Variants in ABCC2 observed in about 807,000 individuals in gnomAD.
ABCC2 encodes ATP binding cassette subfamily C member 2.
ABCC2 carries 157 observed loss-of-function variants against 173.4 expected under a neutral mutation model. The ratio of observed to expected loss-of-function variants is 0.91; its 90% CI spans 0.80 to 1.03. The LOEUF (loss-of-function observed/expected upper bound fraction) is 1.03. Among genes scored for constraint, ABCC2 ranks in the 50% least tolerant of loss-of-function variants. The pLI, the probability that ABCC2 is intolerant of heterozygous loss-of-function variation, is 0.00. For missense variants in ABCC2, 1,822 were observed against 1,852.3 expected, an observed-to-expected ratio of 0.98 and a Z score of 0.30; for synonymous variants, 657 against 693.5, an observed-to-expected ratio of 0.95 and a Z score of 0.83.
intron 19 of ABCC2, among the ~76,000 whole-genome samples, chr10:99,820,981 A>AT (rs1413120563): frequency 6.6e-6 from 1 of 152,162 alleles, no homozygotes; most frequent in Non-Finnish European, 1.5e-5. Flanking sequence ...TTCCCTTAGT[A>AT]TTTATTGATC....
At chr10:99,850,839 T>G (rs573157713) in intron 31 of ABCC2, 43 bp downstream of exon 31, 1 of 1,606,990 alleles carries the variant, frequency 6.2e-7, no homozygotes, top group South Asian at 1.1e-5. Flanking sequence ...GGCTTAACCC[T>G]TGCTCAACAG....
At chr10:99,806,077 C>CTCTCTGTCTCTG (rs10644836) in intron 11 of ABCC2, among the ~76,000 whole-genome samples, 2 of 148,042 alleles carry the variant, frequency 1.4e-5, no homozygotes, top group African/African-American at 5.0e-5. Flanking sequence ...CTCTCTCTGT[C>CTCTCTGTCTCTG]TGTGTGTGTG....
In ABCC2 at chr10:99,847,336, T is replaced by C. The variant is rs367759642; in HGVS notation, c.4313+209T>C. ...TTGAAAACTGGTCGAGCACAGTGGC[T>C]CACGCCTGTGATCCCAGCACTCTGG... is the stretch of plus-strand genomic sequence containing the variant. On this transcript the variant is annotated intron_variant, in intron 30 of 31. Transcript: ENST00000647814. 6.1e-4 allele frequency among the ~76,000 whole-genome samples: 93 copies of C among 152,382 alleles called. 1 individual carries two copies. Among genetic ancestry groups the C allele is most frequent in the African/African-American group, 2.0e-3 (82 of 41,594 alleles).
intron 30 of ABCC2, among the ~76,000 whole-genome samples, chr10:99,847,812 A>G (rs2039039582): frequency 6.6e-6 from 1 of 151,316 alleles, no homozygotes; most frequent in Admixed American, 6.6e-5. Context: ...TCAGCTACTC[A>G]GGAGGCTGAG....
intron 16 of ABCC2, among the ~76,000 whole-genome samples, chr10:99,814,684 CGTGT>C (rs2038359550): frequency 1.9e-4 from 14 of 73,990 alleles, no homozygotes; most frequent in African/African-American, 2.9e-4. Context: ...TATACACACA[CGTGT>C]ATATACACAT....
intron 19 of ABCC2, among the ~76,000 whole-genome samples, chr10:99,824,955 G>A (rs1590176572): frequency 3.1e-5 from 3 of 97,238 alleles, no homozygotes; most frequent in South Asian, 3.2e-4. Context: ...TACCCACACC[G>A]GTTTTTCTGT....
intron 16 of ABCC2, among the ~76,000 whole-genome samples, chr10:99,814,784 TAC>T (rs1264188443): frequency 5.9e-4 from 66 of 112,660 alleles, no homozygotes; most frequent in African/African-American, 1.4e-3. Flanking sequence ...TGTATGTATA[TAC>T]ACACACACAT....
At chr10:99,809,689 C>A (rs1271597583) in intron 13 of ABCC2, among the ~76,000 whole-genome samples, 2 of 152,242 alleles carry the variant, frequency 1.3e-5, no homozygotes, top group Admixed American at 6.5e-5. Context: ...CTTCGGCTAT[C>A]TGGCCTATGT....
intron 21 of ABCC2, among the ~76,000 whole-genome samples, chr10:99,831,240 T>C (rs1457961935): frequency 1.8e-4 from 28 of 152,190 alleles, no homozygotes; most frequent in Non-Finnish European, 1.5e-5. Flanking sequence ...TTATTTTAGA[T>C]ACAGGGTCTC....
At chr10:99,844,608 T>G (rs552661626) in intron 28 of ABCC2, 143 bp downstream of exon 28, 1 of 1,118,006 alleles carries the variant, frequency 8.9e-7, no homozygotes, top group South Asian at 1.3e-5. Flanking sequence ...TGGGGAGGTG[T>G]GGGGACACAG....
chr10:99,802,627 A>G (rs964828756), intron 9 of ABCC2, among the ~76,000 whole-genome samples: 8 of 152,132 alleles, frequency 5.3e-5, no homozygotes, highest in African/African-American at 1.9e-4. Flanking sequence ...GAATCCTAAT[A>G]TGTTCCAAAG....
intron 16 of ABCC2, among the ~76,000 whole-genome samples, chr10:99,814,215 GTA>G (rs530101099): frequency 0.01 from 427 of 41,874 alleles, 99 homozygotes; most frequent in Middle Eastern, 0.014. Context: ...ACACACATGT[GTA>G]TATATACACA....
chr10:99,829,328 G>C (rs2038698815), intron 19 of ABCC2, among the ~76,000 whole-genome samples: 1 of 152,116 alleles, frequency 6.6e-6, no homozygotes, highest in Admixed American at 6.5e-5. Flanking sequence ...CAGAAATAGG[G>C]TAAGTTAAAC....
intron 9 of ABCC2, 94 bp from the exon 10 acceptor site, chr10:99,803,925 C>A (rs2038052758): frequency 6.6e-7 from 1 of 1,523,574 alleles, no homozygotes; most frequent in East Asian, 2.3e-5. Context: ...TGGAGCACAT[C>A]CTTCCATTGT....
rs368908650 is a variant in ABCC2 at position 99,785,241 on chromosome 10, C to T, written c.207+460C>T. On this transcript the variant is annotated intron_variant, in intron 2 of 31. Coordinates refer to ENST00000647814, the MANE Select transcript of ABCC2 (RefSeq NM_000392.5). ...GTCCGAAATAAGGTTTCCATTTTCC[C>T]CGCATATTTGATGAGTCAGGATGAT... Among the ~76,000 whole-genome samples the T allele has an allele frequency of 4.5e-4, 69 of 152,258 alleles. 1 individual carries two copies. The highest frequency in any genetic ancestry group is 1.5e-3 in the African/African-American group (64 of 41,548).
At chr10:99,828,343 A>G (rs2038680728) in intron 19 of ABCC2, among the ~76,000 whole-genome samples, 1 of 152,050 alleles carries the variant, frequency 6.6e-6, no homozygotes. Context: ...GGTGGAATGA[A>G]GAGAAGGGCA....
At chr10:99,795,641 G>A (rs1334330990) in intron 6 of ABCC2, among the ~76,000 whole-genome samples, 1 of 151,792 alleles carries the variant, frequency 6.6e-6, no homozygotes, top group African/African-American at 2.4e-5. Context: ...AGAGGTTGCT[G>A]TGAGCCAAGA....
At position 99,797,143 on chromosome 10, in the gene ABCC2, T is replaced by A; in HGVS notation, c.679T>A (p.Trp227Arg). 1.9e-6 allele frequency: 3 copies of A among 1,614,166 alleles called. No homozygotes were observed. Among genetic ancestry groups the A allele is most frequent in the Non-Finnish European group, 2.5e-6 (3 of 1,180,022 alleles). ...YKRPLTLEDV[W>R]EVDEEMKTKT... is the part of the protein sequence containing the mutation. Reference sequence around the variant, plus strand: ...GCGTCCTCTGACACTCGAGGATGTCTGGGAAGTTGATGAAGAGATGAAAAC... The same window carrying A: ...GCGTCCTCTGACACTCGAGGATGTCAGGGAAGTTGATGAAGAGATGAAAAC... Residue 227 changes from tryptophan (W) to arginine (R), a missense_variant, in exon 7 of 32, where the codon TGG (tryptophan) becomes AGG (arginine). Trp to Arg is a moderately radical substitution (Grantham distance 101, BLOSUM62 -3). Coordinates refer to ENST00000647814, the MANE Select transcript of ABCC2 (RefSeq NM_000392.5).
intron 14 of ABCC2, among the ~76,000 whole-genome samples, chr10:99,810,981 GC>G (rs919620669): frequency 2.0e-5 from 3 of 151,298 alleles, no homozygotes; most frequent in African/African-American, 7.3e-5. Flanking sequence ...CTGAGATTGC[GC>G]CATTGCACTC....
Sources: gnomAD v4.1 joint callset for allele counts (sites outside exome capture counted in the v4.1 genomes callset) on GRCh38, gnomAD v4.1.1 for gene constraint, MANE v1.5 for transcripts, NCBI Gene and HGNC (gene_info 2026-07-23, HGNC 2026-07-21) for gene names.